TNRC18: variants seen among roughly 807,000 people sequenced by gnomAD.
The protein encoded by TNRC18 is trinucleotide repeat-containing gene 18 protein.
Under a neutral mutation model 226.7 loss-of-function variants are expected in TNRC18, and 69 were observed. The ratio of observed to expected loss-of-function variants is 0.30; its 90% CI spans 0.25 to 0.37. The LOEUF (loss-of-function observed/expected upper bound fraction) is 0.37, where lower values mean the gene tolerates loss of function less well. Ranked by LOEUF, TNRC18 falls within the 10% of genes least tolerant of loss-of-function variation. TNRC18 has a pLI of 1.00. For missense variants in TNRC18, 4,754 were observed against 4,256.6 expected, an observed-to-expected ratio of 1.12 and a Z score of -3.25; for synonymous variants, 2,449 against 1,927.6, an observed-to-expected ratio of 1.27 and a Z score of -7.09.
At chr7:5,379,852 C>T (rs189208807) in intron 5 of TNRC18, among the ~76,000 whole-genome samples, 2 of 152,316 alleles carry the variant, frequency 1.3e-5, no homozygotes, top group East Asian at 1.9e-4. Context: ...CTTCCCAGGG[C>T]TTCCGGGAAG....
chr7:5,307,216 TA>T lies in TNRC18; in HGVS notation c.*889del. The T allele has an allele frequency of 6.7e-6, 1 of 149,894 alleles. No homozygotes were observed. Among genetic ancestry groups the T allele is most frequent in the Non-Finnish European group, 1.5e-5 (1 of 67,532 alleles). The allele number at this position is 149,894 out of a possible 1,614,324, so 9.3% of individuals were successfully genotyped here. ...TTCTGCACGTCAGAATGTTTTTTTT[TA>T]TAATTTCATAGCTATTTTTCACAGT... On this transcript the variant is annotated 3_prime_UTR_variant, in exon 30 of 30. Coordinates refer to ENST00000430969, the MANE Select transcript of TNRC18 (RefSeq NM_001080495.3).
chr7:5,317,177 G>C (rs1787931369), intron 24 of TNRC18, among the ~76,000 whole-genome samples: 1 of 152,114 alleles, frequency 6.6e-6, no homozygotes, highest in South Asian at 2.1e-4. Flanking sequence ...GCTCCCATCG[G>C]CTTGATAAGG....
Position 5,313,629 on chromosome 7 carries a change from G to A in TNRC18, c.7262C>T (p.Ser2421Phe). The A allele has an allele frequency of 6.2e-7, 1 of 1,604,116 alleles. No homozygotes were observed. Among genetic ancestry groups the A allele is most frequent in the African/African-American group, 1.3e-5 (1 of 74,890 alleles). The change falls in exon 27 of 30, where the codon TCC (serine) becomes TTC (phenylalanine). Residue 2421 changes from serine (S) to phenylalanine (F), a missense_variant. Physicochemically the swap from Ser to Phe is radical, Grantham distance 155 (BLOSUM62 -2). Coordinates refer to ENST00000430969, the MANE Select transcript of TNRC18 (RefSeq NM_001080495.3). ...GGTGATGAGGGGTGCTGGGGCCAGG[G>A]AGGTGGCAGGAGCTGGCAGCTCTGC... ...PFAELPAPAT[S>F]LAPAPLITMP...
intron 21 of TNRC18, among the ~76,000 whole-genome samples, chr7:5,321,929 C>T (rs1788408574): frequency 1.3e-5 from 2 of 151,958 alleles, no homozygotes; most frequent in Admixed American, 1.3e-4. Context: ...TCCTCAGCCT[C>T]CCAAGTACTG....
At chr7:5,386,629 G>A (rs1260674843) in intron 5 of TNRC18, among the ~76,000 whole-genome samples, 3 of 150,924 alleles carry the variant, frequency 2.0e-5, no homozygotes, top group South Asian at 2.1e-4. Flanking sequence ...GCATACCTGC[G>A]GTCCCAGCTA....
At position 5,418,250 on chromosome 7, in the gene TNRC18, T is replaced by C. The variant is rs147483361; in HGVS notation, c.187+2810A>G. Reference sequence around the variant, plus strand: ...CATCTCCCAGATCAGGCTGTGAATATTTTGTTCACAATGTAGCAAGGCTCA... The same window carrying C: ...CATCTCCCAGATCAGGCTGTGAATACTTTGTTCACAATGTAGCAAGGCTCA... On this transcript the variant is annotated intron_variant, in intron 2 of 29. Coordinates refer to ENST00000430969, the MANE Select transcript of TNRC18 (RefSeq NM_001080495.3). Among the ~76,000 whole-genome samples the C allele has an allele frequency of 1.4e-3, 216 of 152,310 alleles. 1 individual carries two copies. The highest frequency in any genetic ancestry group is 3.3e-3 in the African/African-American group (138 of 41,572).
intron 2 of TNRC18, among the ~76,000 whole-genome samples, chr7:5,413,733 T>C (rs1277953689): frequency 6.6e-6 from 1 of 152,202 alleles, no homozygotes; most frequent in African/African-American, 2.4e-5. Flanking sequence ...GGTCTTGCTA[T>C]GTTGCCCAGA....
chr7:5,378,325 T>C (rs1779154610), intron 5 of TNRC18, among the ~76,000 whole-genome samples: 1 of 152,210 alleles, frequency 6.6e-6, no homozygotes, highest in South Asian at 2.1e-4. Flanking sequence ...GCCAGGGATA[T>C]TGTAAGAAAA....
intron 18 of TNRC18, among the ~76,000 whole-genome samples, chr7:5,345,066 C>A (rs1791027502): frequency 6.6e-6 from 1 of 152,188 alleles, no homozygotes; most frequent in Admixed American, 6.5e-5. Flanking sequence ...CCTGTCCCAC[C>A]CGTTCTCCCA....
chr7:5,411,192 G>A (rs922206596), intron 2 of TNRC18, among the ~76,000 whole-genome samples: 2 of 148,720 alleles, frequency 1.3e-5, no homozygotes, highest in African/African-American at 5.0e-5. Flanking sequence ...CTCCCGCTTG[G>A]GCTACAGAGT....
chr7:5,324,288 G>C lies in TNRC18; in HGVS notation c.6368C>G (p.Pro2123Arg), dbSNP rs1334434993. The C allele has an allele frequency of 5.0e-6, 8 of 1,613,402 alleles. No individual in the cohort carries two copies. The highest frequency in any genetic ancestry group is 5.9e-6 in the Non-Finnish European group (7 of 1,179,740). ...ESMAAEEDFE[P>R]NQDSSFSEDE... Reference sequence around the variant, plus strand: ...CTCAGAGAAGCTCGAGTCTTGGTTGGGTTCAAAGTCCTCCTCGGCTGCCAT... The same window carrying C: ...CTCAGAGAAGCTCGAGTCTTGGTTGCGTTCAAAGTCCTCCTCGGCTGCCAT... The change falls in exon 21 of 30, where the codon CCC becomes CGC. Residue 2123 changes from proline to arginine, a missense_variant. Physicochemically the swap from Pro to Arg is moderately radical, Grantham distance 103. Transcript: ENST00000430969. This position sits in a 1 kb window ranked among gnomAD's most constrained non-coding sequence, Gnocchi z 4.8.
chr7:5,417,565 C>A (rs1052033769), intron 2 of TNRC18, among the ~76,000 whole-genome samples: 12 of 152,216 alleles, frequency 7.9e-5, no homozygotes, highest in African/African-American at 2.7e-4. Flanking sequence ...CCAATGAGGG[C>A]AGAGACTTCT....
rs371357521 is a variant in TNRC18, at chr7:5,351,839, G to C, written c.5450C>G (p.Ser1817Trp). Residue 1817 changes from serine to tryptophan, a missense_variant, in exon 17 of 30, where the codon TCG becomes TGG. Ser to Trp is a radical substitution (Grantham distance 177). Transcript: ENST00000430969. ...AEARSSFSDS[S>W]EESFDQDESS... ...GTAACCTTGGTCAAACGATTCCTCC[G>C]AAGAGTCGCTGAAGGAGGAACGCGC... The C allele has an allele frequency of 6.3e-7, 1 of 1,599,910 alleles. No homozygotes were observed. Among genetic ancestry groups the C allele is most frequent in the Admixed American group, 1.8e-5 (1 of 56,262 alleles).
At chr7:5,373,691 G>A (rs966309203) in intron 10 of TNRC18, among the ~76,000 whole-genome samples, 2 of 152,180 alleles carry the variant, frequency 1.3e-5, no homozygotes, top group East Asian at 3.9e-4. Flanking sequence ...CACAGAACGG[G>A]GGGAAAGCTG....
chr7:5,317,956 A>G (rs929855464), intron 24 of TNRC18, among the ~76,000 whole-genome samples: 2 of 149,500 alleles, frequency 1.3e-5, no homozygotes, highest in African/African-American at 4.9e-5. Context: ...TGCAACCTCT[A>G]CTTCCCGGGT....
At chr7:5,331,652 T>C (rs7794662) in intron 19 of TNRC18, among the ~76,000 whole-genome samples, 87,912 of 152,054 alleles carry the variant, frequency 0.58, 26,377 homozygotes, top group East Asian at 0.81. Flanking sequence ...CCGGGTGCAG[T>C]GGCTCACGCC....
At chr7:5,421,572 G>C (rs1782590576) in intron 1 of TNRC18, 83 bp from the exon 2 acceptor site, 1 of 152,302 alleles carries the variant, frequency 6.6e-6, no homozygotes, top group Admixed American at 6.5e-5. Flanking sequence ...ACAAGTTTCA[G>C]AAAGTCGCCT....
chr7:5,385,093 G>C (rs1013206259), intron 5 of TNRC18, among the ~76,000 whole-genome samples: 1 of 152,248 alleles, frequency 6.6e-6, no homozygotes, highest in African/African-American at 2.4e-5. Context: ...ACAGAGGATG[G>C]GGAGACATGG....
intron 5 of TNRC18, among the ~76,000 whole-genome samples, chr7:5,379,925 G>C (rs550059444): frequency 6.6e-6 from 1 of 152,218 alleles, no homozygotes; most frequent in Non-Finnish European, 1.5e-5. Context: ...CCGGCCATCA[G>C]CCACCCCCAA....
Sources: gnomAD v4.1 joint callset for allele counts (sites outside exome capture counted in the v4.1 genomes callset) on GRCh38, gnomAD v4.1.1 for gene constraint, Gnocchi (gnomAD v3.1) non-coding constraint, MANE v1.5 for transcripts, NCBI Gene and HGNC (gene_info 2026-07-23, HGNC 2026-07-21) for gene names.